The following PPIL1 variants were observed in gnomAD, a reference collection of about 807,000 sequenced individuals.
The protein encoded by PPIL1 is peptidyl-prolyl cis-trans isomerase-like 1.
PPIL1 carries 14 observed loss-of-function variants against 19.4 expected under a neutral mutation model. The ratio of observed to expected loss-of-function variants is 0.72; its 90% CI spans 0.48 to 1.13. The LOEUF (loss-of-function observed/expected upper bound fraction) is 1.13, where lower values mean the gene tolerates loss of function less well. PPIL1 is among the 50% of genes most tolerant of loss of function. PPIL1 has a pLI of 0.00. For missense variants in PPIL1, 192 were observed against 218.0 expected (o/e 0.88, Z 0.75); for synonymous variants, 72 against 73.6 (o/e 0.98, Z 0.11).
intron 1 of PPIL1, among the ~76,000 whole-genome samples, chr6:36,874,028 G>A (rs538419707): frequency 9.8e-5 from 15 of 152,310 alleles, no homozygotes; most frequent in Non-Finnish European, 1.6e-4. Context: ...ATCTAGCAAG[G>A]TGAGACGAGC....
At chr6:36,870,132 C>G (rs1774478272) in intron 2 of PPIL1, among the ~76,000 whole-genome samples, 1 of 150,122 alleles carries the variant, frequency 6.7e-6, no homozygotes, top group Admixed American at 6.6e-5. Context: ...CTGAATGCTT[C>G]TGACCATAGA....
At chr6:36,871,921 G>A (rs775924849) in intron 1 of PPIL1, 49 bp from the exon 2 acceptor site, 183 of 1,488,664 alleles carry the variant, frequency 1.2e-4, no homozygotes, top group Non-Finnish European at 1.6e-4. Context: ...GGTCAGGGCA[G>A]ACAGGAGTAT....
intron 2 of PPIL1, among the ~76,000 whole-genome samples, chr6:36,857,094 T>C (rs1423370847): frequency 6.6e-6 from 1 of 152,190 alleles, no homozygotes; most frequent in African/African-American, 2.4e-5. Flanking sequence ...ATCACAGACA[T>C]TGCCAATCAA....
At chr6:36,868,836 T>C (rs1387390736) in intron 2 of PPIL1, among the ~76,000 whole-genome samples, 1 of 151,616 alleles carries the variant, frequency 6.6e-6, no homozygotes. Flanking sequence ...AGCAAGATCC[T>C]GTCTCCAAAA....
rs769646100 is a variant in PPIL1, at chr6:36,855,885, T to C, written c.429A>G (p.Gly143=). Residue 143 remains glycine, a synonymous_variant, in exon 4 of 4, where the codon GGA becomes GGG. Transcript: ENST00000373699. ...GGTCCTGGGAGTTTGTTTCTACCAT[T>C]CCCACGCGATTCACCATTCCTATGC... The part of the protein sequence containing the change: ...CQGIGMVNRV[G]MVETNSQDRP... 8 of 1,613,992 alleles carry C rather than the reference T, an allele frequency of 5.0e-6. No homozygotes were observed. The African/African-American group carries it at 1.1e-4, about 22-fold the overall frequency.
rs769522830 is a variant in PPIL1 at position 36,874,752 on chromosome 6, A to G, written c.21T>C (p.Asp7=). The G allele has an allele frequency of 6.2e-7, 1 of 1,614,092 alleles. No individual in the cohort carries two copies. ...AGTAAACGTTGGGTGGCTGCCAGGA[A>G]TCTGGGGGAATTGCCGCCATAGCGA... MAAIPP[D]SWQPPNVYLE... The change falls in exon 1 of 4, where the codon GAT becomes GAC. Residue 7 remains aspartate (D), a synonymous_variant. Coordinates refer to ENST00000373699, the MANE Select transcript of PPIL1 (RefSeq NM_016059.5).
chr6:36,860,586 T>C (rs1372850583), intron 2 of PPIL1, among the ~76,000 whole-genome samples: 1 of 152,040 alleles, frequency 6.6e-6, no homozygotes, highest in Admixed American at 6.5e-5. Flanking sequence ...AAATAAACTA[T>C]TGCAAATCCA....
chr6:36,859,424 CAAAAAAAAAA>C (rs36097489), intron 2 of PPIL1, among the ~76,000 whole-genome samples: 1 of 73,210 alleles, frequency 1.4e-5, no homozygotes, highest in African/African-American at 5.7e-5. Flanking sequence ...GACCCTGTCT[CAAAAAAAAAA>C]AAAAAAAAAA....
intron 2 of PPIL1, among the ~76,000 whole-genome samples, chr6:36,857,071 T>C (rs1774182715): frequency 6.6e-6 from 1 of 152,210 alleles, no homozygotes; most frequent in Non-Finnish European, 1.5e-5. Context: ...CCCCAAGTCC[T>C]ATCCCTGTGC....
rs1774601951 is a variant in PPIL1, at chr6:36,874,719, G to A, written c.54C>T (p.Thr18=). The stretch of plus-strand genomic sequence containing the variant: ...CCCAGACGCCCGAACCCCCTCACCT[G>A]GTCTCCAAGTAAACGTTGGGTGGCT... The part of the protein sequence containing the change: ...SWQPPNVYLE[T]SMGIIVLELY... The change falls in exon 1 of 4, where the codon ACC becomes ACT. Residue 18 remains threonine, a splice_region_variant and synonymous_variant. Coordinates refer to ENST00000373699, the MANE Select transcript of PPIL1 (RefSeq NM_016059.5). 1 of 1,613,964 alleles carries A rather than the reference G, an allele frequency of 6.2e-7. No individual in the cohort carries two copies. Among genetic ancestry groups the A allele is most frequent in the African/African-American group, 1.3e-5 (1 of 74,950 alleles).
At chr6:36,874,613 C>T in intron 1 of PPIL1, 104 bp downstream of exon 1, 1 of 1,470,462 alleles carries the variant, frequency 6.8e-7, no homozygotes, top group Non-Finnish European at 9.4e-7. Context: ...CGCCCCTCCA[C>T]GTGGAGGCCG....
Position 36,856,585 on chromosome 6 carries a change from C to G in PPIL1, c.280+1G>C. ...CCAGTCCAGCCAAATTATACACTTA[C>G]CCGTGAATTTCAAGTCTGGATGAAG... is the stretch of plus-strand genomic sequence containing the variant. On this transcript the variant is annotated splice_donor_variant, in intron 3 of 3. Coordinates refer to ENST00000373699, the MANE Select transcript of PPIL1 (RefSeq NM_016059.5). LOFTEE classifies it high-confidence loss of function. The G allele has an allele frequency of 6.2e-7, 1 of 1,613,670 alleles. No individual in the cohort carries two copies. Among genetic ancestry groups the G allele is most frequent in the Non-Finnish European group, 8.5e-7 (1 of 1,179,558 alleles).
At chr6:36,859,892 G>A (rs533643898) in intron 2 of PPIL1, among the ~76,000 whole-genome samples, 1 of 150,224 alleles carries the variant, frequency 6.7e-6, no homozygotes, top group Non-Finnish European at 1.5e-5. Context: ...GCAGTGGTGC[G>A]ATCTCGGCTC....
chr6:36,873,817 T>C (rs182253805), intron 1 of PPIL1, among the ~76,000 whole-genome samples: 3 of 152,256 alleles, frequency 2.0e-5, no homozygotes, highest in Admixed American at 2.0e-4. Context: ...TCCCTGGCTG[T>C]TGAGGGGAGA....
rs1288750267 is a variant in PPIL1, at chr6:36,856,614, A to G, written c.252T>C (p.Asp84=). ...GASIYGKQFE[D]ELHPDLKFTG... is the part of the protein sequence containing the mutation. The stretch of plus-strand genomic sequence containing the variant: ...TGAATTTCAAGTCTGGATGAAGTTC[A>G]TCTTCAAACTGTTTGCCATAGATAG... Residue 84 remains aspartate, a synonymous_variant, in exon 3 of 4, where the codon GAT becomes GAC. Transcript: ENST00000373699. 3 of 1,614,224 alleles carry G rather than the reference A, an allele frequency of 1.9e-6. No homozygotes were observed. Among genetic ancestry groups the G allele is most frequent in the Non-Finnish European group, 2.5e-6 (3 of 1,180,028 alleles).
chr6:36,873,329 C>T (rs1466888152), intron 1 of PPIL1, among the ~76,000 whole-genome samples: 1 of 152,112 alleles, frequency 6.6e-6, no homozygotes, highest in African/African-American at 2.4e-5. Flanking sequence ...ACTTAAATGT[C>T]CTTGAAATAG....
In PPIL1 at chr6:36,855,875, T is replaced by C. The variant is rs1184525907; in HGVS notation, c.439A>G (p.Thr147Ala). ...TCCACAGGGCGGTCCTGGGAGTTTGTTTCTACCATTCCCACGCGATTCACC... is the reference window on the plus strand; with the variant it reads ...TCCACAGGGCGGTCCTGGGAGTTTGCTTCTACCATTCCCACGCGATTCACC... ...GMVNRVGMVE[T>A]NSQDRPVDDV... is the part of the protein sequence containing the mutation. The change falls in exon 4 of 4, where the codon ACA (threonine) becomes GCA (alanine). Residue 147 changes from threonine to alanine, a missense_variant. Thr to Ala is a moderately conservative substitution (Grantham distance 58). Transcript: ENST00000373699. The C allele has an allele frequency of 1.9e-6, 3 of 1,614,008 alleles. No homozygotes were observed. Among genetic ancestry groups the C allele is most frequent in the Non-Finnish European group, 2.5e-6 (3 of 1,180,010 alleles).
At chr6:36,873,423 A>G (rs1156760644) in intron 1 of PPIL1, among the ~76,000 whole-genome samples, 2 of 152,250 alleles carry the variant, frequency 1.3e-5, no homozygotes, top group Non-Finnish European at 2.9e-5. Flanking sequence ...CAGAAAAAAC[A>G]TACATACAGT....
chr6:36,860,264 G>A (rs898820872), intron 2 of PPIL1, among the ~76,000 whole-genome samples: 2 of 152,016 alleles, frequency 1.3e-5, no homozygotes. Context: ...CCCAGGAGTT[G>A]AGACCAGCCT....
Sources: gnomAD v4.1 joint callset for allele counts (sites outside exome capture counted in the v4.1 genomes callset) on GRCh38, gnomAD v4.1.1 for gene constraint, MANE v1.5 for transcripts, NCBI Gene and HGNC (gene_info 2026-07-23, HGNC 2026-07-21) for gene names.